The following SIAH3 variants were observed in gnomAD, a reference collection of about 807,000 sequenced individuals.
SIAH3 encodes seven in absentia homolog 3.
In SIAH3, 9 loss-of-function variants were observed where a neutral mutation model predicts 12.6. That is an observed-to-expected ratio of 0.72 (90% CI 0.43 to 1.25). The LOEUF (loss-of-function observed/expected upper bound fraction) is 1.25. Ranked by LOEUF, SIAH3 falls within the 50% of genes most tolerant of loss-of-function variation. The probability of loss-of-function intolerance (pLI) is 0.00; values close to 1 mark genes in which losing one functional copy is unlikely to be tolerated. For missense variants in SIAH3, 390 were observed against 365.4 expected (o/e 1.07, Z -0.55); for synonymous variants, 154 against 151.1 (o/e 1.02, Z -0.14).
At chr13:45,807,251 A>C in intron 1 of SIAH3, among the ~76,000 whole-genome samples, 1 of 151,588 alleles carries the variant, frequency 6.6e-6, no homozygotes, top group East Asian at 1.9e-4. Flanking sequence ...AAAATTAACA[A>C]GATTGTAATA....
At chr13:45,843,894 A>G (rs1041613242) in intron 1 of SIAH3, among the ~76,000 whole-genome samples, 1 of 152,198 alleles carries the variant, frequency 6.6e-6, no homozygotes, top group Admixed American at 6.5e-5. Flanking sequence ...AGTCCCAAAC[A>G]TCATAATCCT....
chr13:45,838,565 G>C (rs574599102), intron 1 of SIAH3, among the ~76,000 whole-genome samples: 1 of 152,118 alleles, frequency 6.6e-6, no homozygotes. Context: ...AGGCCACCAC[G>C]CTGGGGGGCA....
chr13:45,837,281 A>G (rs1369454686), intron 1 of SIAH3, among the ~76,000 whole-genome samples: 2 of 152,160 alleles, frequency 1.3e-5, no homozygotes, highest in African/African-American at 2.4e-5. Context: ...TCATAGAGTC[A>G]TTACTCATTT....
intron 1 of SIAH3, among the ~76,000 whole-genome samples, chr13:45,805,171 C>A (rs918369801): frequency 6.6e-6 from 1 of 152,090 alleles, no homozygotes; most frequent in African/African-American, 2.4e-5. Flanking sequence ...TCTACAGATT[C>A]AATGCTATTC....
intron 1 of SIAH3, among the ~76,000 whole-genome samples, chr13:45,819,928 G>A (rs910920152): frequency 1.8e-4 from 27 of 152,318 alleles, no homozygotes; most frequent in African/African-American, 6.3e-4. Flanking sequence ...GGAAGTCAGC[G>A]GGTTCAGTCG....
intron 1 of SIAH3, among the ~76,000 whole-genome samples, chr13:45,828,418 A>G (rs920422789): frequency 1.3e-5 from 2 of 152,198 alleles, no homozygotes; most frequent in Non-Finnish European, 2.9e-5. Flanking sequence ...TGACAAGTGA[A>G]CAAATGCTAC....
intron 1 of SIAH3, among the ~76,000 whole-genome samples, chr13:45,836,863 G>A (rs1337461348): frequency 6.6e-6 from 1 of 152,244 alleles, no homozygotes; most frequent in Non-Finnish European, 1.5e-5. Context: ...GATGTCCCCA[G>A]TTGCCTGTAA....
intron 1 of SIAH3, among the ~76,000 whole-genome samples, chr13:45,830,046 C>T (rs1368772543): frequency 6.6e-6 from 1 of 152,172 alleles, no homozygotes; most frequent in Non-Finnish European, 1.5e-5. Context: ...CTGTTAAATG[C>T]AGTCCATTTT....
chr13:45,843,034 C>CTGTGTGTGTGTGTGTGTGTGTG (rs55772614), intron 1 of SIAH3, among the ~76,000 whole-genome samples: 81 of 139,274 alleles, frequency 5.8e-4, no homozygotes, highest in East Asian at 3.3e-3. Flanking sequence ...CTCTCTCTCT[C>CTGTGTGTGTGTGTGTGTGTGTG]TGTGTGTGTG....
intron 1 of SIAH3, among the ~76,000 whole-genome samples, chr13:45,838,006 C>T (rs1950724946): frequency 6.6e-6 from 1 of 152,146 alleles, no homozygotes; most frequent in African/African-American, 2.4e-5. Context: ...ATTGTATTCA[C>T]CACATCACCC....
chr13:45,851,354 C>T, intron 1 of SIAH3, 141 bp downstream of exon 1: 7 of 1,116,464 alleles, frequency 6.3e-6, no homozygotes. Context: ...CCGAGGCAAA[C>T]ACGCCGGGTT....
intron 1 of SIAH3, among the ~76,000 whole-genome samples, chr13:45,801,211 A>T (rs907650122): frequency 2.6e-5 from 4 of 152,164 alleles, no homozygotes; most frequent in Non-Finnish European, 4.4e-5. Flanking sequence ...GATACAGGGT[A>T]CATTCTCCCT....
At chr13:45,796,161 T>TTA (rs575524671) in intron 1 of SIAH3, among the ~76,000 whole-genome samples, 69 of 151,866 alleles carry the variant, frequency 4.5e-4, no homozygotes, top group South Asian at 1.7e-3. Context: ...ATATGTGATT[T>TTA]TATATATATA....
At chr13:45,811,442 C>A (rs951106676) in intron 1 of SIAH3, among the ~76,000 whole-genome samples, 1 of 152,096 alleles carries the variant, frequency 6.6e-6, no homozygotes, top group Admixed American at 6.5e-5. Context: ...TTTTTTGAGA[C>A]ACGGTCTTGC....
rs560128772 is a variant in SIAH3 at position 45,843,034 on chromosome 13, C to CTCTCTGTGTGTGTGTGTGTGTGTGTG, written c.135+8460_135+8461insCACACACACACACACACACACAGAGA. Among the ~76,000 whole-genome samples the CTCTCTGTGTGTGTGTGTGTGTGTGTG allele has an allele frequency of 5.0e-4, 69 of 139,280 alleles. 1 individual carries two copies. In the East Asian group the frequency reaches 0.012, roughly 24 times the overall value. 91.4% of individuals were successfully genotyped at this position (139,280 alleles called of 152,430 possible). A position where few individuals can be genotyped will look rare whatever the true frequency, so the allele number is the denominator to read the frequency against. On this transcript the variant is annotated intron_variant, in intron 1 of 1. Coordinates refer to ENST00000400405, the MANE Select transcript of SIAH3 (RefSeq NM_198849.3). ...TGCCATTATTTCTCTCTCTCTCTCT[C>CTCTCTGTGTGTGTGTGTGTGTGTGTG]TGTGTGTGTGTGTGTGTGTGTGTGT...
At chr13:45,797,349 C>G (rs934181869) in intron 1 of SIAH3, among the ~76,000 whole-genome samples, 1 of 152,150 alleles carries the variant, frequency 6.6e-6, no homozygotes. Context: ...ATAATGCCTG[C>G]CGCTTGGGTG....
At chr13:45,838,931 C>T (rs150919069) in intron 1 of SIAH3, among the ~76,000 whole-genome samples, 10 of 152,170 alleles carry the variant, frequency 6.6e-5, no homozygotes, top group African/African-American at 1.7e-4. Context: ...CTCCTTCACT[C>T]GGTTCTTCTC....
At chr13:45,815,379 A>G (rs548652643) in intron 1 of SIAH3, among the ~76,000 whole-genome samples, 38 of 152,074 alleles carry the variant, frequency 2.5e-4, no homozygotes, top group Non-Finnish European at 5.0e-4. Flanking sequence ...CTGAGGAAGA[A>G]GGAATTCTGC....
At chr13:45,847,935 T>C (rs754521551) in intron 1 of SIAH3, among the ~76,000 whole-genome samples, 3 of 151,786 alleles carry the variant, frequency 2.0e-5, no homozygotes, top group Non-Finnish European at 2.9e-5. Flanking sequence ...GACTGACCGC[T>C]CCTCCCCTCA....
Sources: allele counts gnomAD v4.1 joint callset (sites outside exome capture counted in the v4.1 genomes callset), GRCh38; gene constraint gnomAD v4.1.1; transcripts MANE v1.5; gene names NCBI Gene and HGNC (gene_info 2026-07-23, HGNC 2026-07-21).